SGCZ: variants seen among roughly 807,000 people sequenced by gnomAD.
The protein encoded by SGCZ is zeta-sarcoglycan.
A neutral mutation model predicts 41.3 loss-of-function variants in SGCZ; 40 were observed. That is an observed-to-expected ratio of 0.97 (90% confidence interval 0.75 to 1.26). The LOEUF (loss-of-function observed/expected upper bound fraction) is 1.26. Ranked by LOEUF, SGCZ falls within the 50% of genes most tolerant of loss-of-function variation. SGCZ has a pLI of 0.00. For synonymous variants in SGCZ, 206 were observed against 137.5 expected, an observed-to-expected ratio of 1.50 and a Z score of -3.49; for missense variants, 552 against 369.8, an observed-to-expected ratio of 1.49 and a Z score of -4.04.
At chr8:14,116,867 A>G (rs929666223) in intron 5 of SGCZ, among the ~76,000 whole-genome samples, 1 of 152,104 alleles carries the variant, frequency 6.6e-6, no homozygotes, top group African/African-American at 2.4e-5. Flanking sequence ...TTTCTACAGC[A>G]AGAACACTCA....
At chr8:15,154,321 C>A (rs1799266138) in intron 1 of SGCZ, among the ~76,000 whole-genome samples, 2 of 152,162 alleles carry the variant, frequency 1.3e-5, no homozygotes, top group South Asian at 4.1e-4. Context: ...AAGCAGCAGA[C>A]CCTACATGAA....
chr8:14,142,983 G>A (rs117798478), intron 5 of SGCZ, among the ~76,000 whole-genome samples: 7,816 of 142,144 alleles, frequency 0.055, 256 homozygotes, highest in Admixed American at 0.098. Context: ...CCAATAAAAC[G>A]TTTTTCTTTA....
chr8:14,710,754 T>C (rs1400192125), intron 1 of SGCZ, among the ~76,000 whole-genome samples: 2 of 152,312 alleles, frequency 1.3e-5, no homozygotes, highest in African/African-American at 4.8e-5. Flanking sequence ...ATACTAATTG[T>C]AACTAATTCT....
At chr8:14,345,791 G>C (rs757470620) in intron 2 of SGCZ, among the ~76,000 whole-genome samples, 4 of 152,200 alleles carry the variant, frequency 2.6e-5, no homozygotes, top group East Asian at 3.9e-4. Flanking sequence ...TGCAGTCCTA[G>C]ATCATGATTC....
At chr8:14,754,433 T>C (rs1799594713) in intron 1 of SGCZ, among the ~76,000 whole-genome samples, 1 of 152,194 alleles carries the variant, frequency 6.6e-6, no homozygotes, top group East Asian at 1.9e-4. Context: ...TGTGGACATA[T>C]GTATATGTGT....
chr8:14,407,763 T>G (rs941875077), intron 2 of SGCZ, among the ~76,000 whole-genome samples: 2 of 152,158 alleles, frequency 1.3e-5, no homozygotes, highest in African/African-American at 4.8e-5. Context: ...CTGGTGCATT[T>G]TTTCCTATGC....
chr8:14,792,177 G>A (rs1167197269), intron 1 of SGCZ, among the ~76,000 whole-genome samples: 1 of 152,120 alleles, frequency 6.6e-6, no homozygotes, highest in Non-Finnish European at 1.5e-5. Flanking sequence ...ATAGTTTAGT[G>A]CTACATTACC....
intron 1 of SGCZ, among the ~76,000 whole-genome samples, chr8:14,645,644 T>A (rs1443133801): frequency 6.6e-5 from 10 of 151,500 alleles, no homozygotes. Flanking sequence ...GGAACACTTA[T>A]AACACTATTA....
At chr8:14,368,770 C>T (rs897332781) in intron 2 of SGCZ, among the ~76,000 whole-genome samples, 11 of 152,108 alleles carry the variant, frequency 7.2e-5, no homozygotes, top group Admixed American at 4.6e-4. Flanking sequence ...CTACAAAATG[C>T]AGCACCATGT....
At chr8:14,408,060 A>C (rs531007627) in intron 2 of SGCZ, among the ~76,000 whole-genome samples, 2 of 152,284 alleles carry the variant, frequency 1.3e-5, no homozygotes, top group East Asian at 3.9e-4. Context: ...ATTGATTTGA[A>C]TTAATGGGAA....
chr8:14,177,744 T>C (rs541469185), intron 4 of SGCZ, among the ~76,000 whole-genome samples: 36 of 148,494 alleles, frequency 2.4e-4, no homozygotes, highest in African/African-American at 8.4e-4. Flanking sequence ...CAGGATGGTC[T>C]CGATCTCCTG....
At chr8:14,457,910 C>G (rs1800795468) in intron 2 of SGCZ, among the ~76,000 whole-genome samples, 1 of 152,154 alleles carries the variant, frequency 6.6e-6, no homozygotes, top group Non-Finnish European at 1.5e-5. Context: ...CCCCGGGGCC[C>G]AGCTGCCTTT....
intron 1 of SGCZ, among the ~76,000 whole-genome samples, chr8:15,146,510 GACT>G (rs905826812): frequency 6.6e-6 from 1 of 152,206 alleles, no homozygotes; most frequent in Non-Finnish European, 1.5e-5. Flanking sequence ...GAGTAGATGG[GACT>G]ACAAGAATGT....
At chr8:14,908,049 T>C (rs963472178) in intron 1 of SGCZ, among the ~76,000 whole-genome samples, 2 of 152,152 alleles carry the variant, frequency 1.3e-5, no homozygotes, top group African/African-American at 2.4e-5. Context: ...AACAGATACA[T>C]AGAAACCACT....
intron 3 of SGCZ, among the ~76,000 whole-genome samples, chr8:14,262,554 C>T (rs545729955): frequency 6.6e-6 from 1 of 151,692 alleles, no homozygotes; most frequent in Non-Finnish European, 1.5e-5. Context: ...GCAAAAGTAT[C>T]CTATAAAAAT....
At chr8:14,826,362 T>C (rs1250686884) in intron 1 of SGCZ, among the ~76,000 whole-genome samples, 1 of 152,134 alleles carries the variant, frequency 6.6e-6, no homozygotes, top group African/African-American at 2.4e-5. Context: ...GTTCCAAGTC[T>C]TTGCTATTGT....
chr8:15,014,794 C>T (rs1802962720), intron 1 of SGCZ, among the ~76,000 whole-genome samples: 1 of 152,188 alleles, frequency 6.6e-6, no homozygotes, highest in Non-Finnish European at 1.5e-5. Context: ...ATTGTGACAG[C>T]CTCACAATTC....
At chr8:14,707,727 A>C (rs1346704315) in intron 1 of SGCZ, among the ~76,000 whole-genome samples, 3 of 152,166 alleles carry the variant, frequency 2.0e-5, no homozygotes, top group African/African-American at 7.2e-5. Context: ...AACAATTGTT[A>C]GAAAGAATAA....
intron 2 of SGCZ, among the ~76,000 whole-genome samples, chr8:14,539,818 G>T (rs1803405203): frequency 6.6e-6 from 1 of 151,854 alleles, no homozygotes; most frequent in African/African-American, 2.4e-5. Context: ...ATTCCTGTTA[G>T]TTTGCTAAGG....
Sources: allele counts gnomAD v4.1 joint callset (sites outside exome capture counted in the v4.1 genomes callset), GRCh38; gene constraint gnomAD v4.1.1; transcripts MANE v1.5; gene names NCBI Gene and HGNC (gene_info 2026-07-23, HGNC 2026-07-21).